The following NAMPT variants were observed in gnomAD, a reference collection of about 807,000 sequenced individuals.
NAMPT encodes the protein NAmPRTase.
Under a neutral mutation model 58.7 loss-of-function variants are expected in NAMPT, and 7 were observed. The observed-to-expected ratio is 0.12, with a 90% CI of 0.07 to 0.22. The LOEUF (loss-of-function observed/expected upper bound fraction) is 0.22. NAMPT is among the 10% of genes least tolerant of loss of function. NAMPT has a pLI of 1.00. For missense variants in NAMPT, 271 were observed against 567.9 expected (o/e 0.48, Z 5.31); for synonymous variants, 145 against 198.1 (o/e 0.73, Z 2.25).
intron 3 of NAMPT, 45 bp downstream of exon 3, chr7:106,274,901 T>C: frequency 7.6e-7 from 1 of 1,307,916 alleles, no homozygotes; most frequent in South Asian, 1.3e-5. Context: ...AGTTTTGAAC[T>C]GAAAGAAAAA....
At chr7:106,254,541 T>A in intron 8 of NAMPT, 37 bp from the exon 9 acceptor site, 3 of 1,597,770 alleles carry the variant, frequency 1.9e-6, no homozygotes, top group Non-Finnish European at 2.6e-6. Flanking sequence ...AAACCAAACC[T>A]TAATTTGGAA....
intron 4 of NAMPT, 136 bp downstream of exon 4, chr7:106,272,394 G>A (rs1792553596): frequency 1.5e-6 from 1 of 674,056 alleles, no homozygotes; most frequent in Admixed American, 3.4e-5. Flanking sequence ...TTATAGATGA[G>A]GAAATTGAAG....
intron 10 of NAMPT, among the ~76,000 whole-genome samples, chr7:106,252,044 T>TA (rs989990606): frequency 3.6e-4 from 55 of 152,274 alleles, no homozygotes; most frequent in African/African-American, 1.3e-3. Flanking sequence ...TTCACAAATT[T>TA]AAATTTAAGG....
chr7:106,269,270 T>G lies in NAMPT; in HGVS notation c.490A>C (p.Asn164His). 6.2e-7 allele frequency: 1 copy of G among 1,613,688 alleles called. No individual in the cohort carries two copies. Among genetic ancestry groups the G allele is most frequent in the Non-Finnish European group, 8.5e-7 (1 of 1,179,648 alleles). ...QSWYPITVAT[N>H]SREQKKILAK... is the part of the protein sequence containing the mutation. ...AATATTTTCTTCTGCTCTCTAGAAT[T>G]TGTGGCCACTGTGATTGGATACCAG... The change falls in exon 5 of 11, where the codon AAT becomes CAT. Residue 164 changes from asparagine to histidine, a missense_variant. Asn to His is a moderately conservative substitution (Grantham distance 68). Coordinates refer to ENST00000222553, the MANE Select transcript of NAMPT (RefSeq NM_005746.3).
intron 1 of NAMPT, among the ~76,000 whole-genome samples, chr7:106,278,769 A>C (rs1264548669): frequency 6.6e-6 from 1 of 152,238 alleles, no homozygotes; most frequent in Non-Finnish European, 1.5e-5. Flanking sequence ...TTACAATGTA[A>C]ATAACTCCAA....
At chr7:106,276,735 G>T (rs891731591) in intron 2 of NAMPT, 2 of 302,766 alleles carry the variant, frequency 6.6e-6, no homozygotes, top group South Asian at 6.3e-5. Flanking sequence ...CCATCTACTC[G>T]GGAGGCAGAG....
intron 1 of NAMPT, among the ~76,000 whole-genome samples, chr7:106,280,029 C>A (rs1011817685): frequency 1.3e-5 from 2 of 152,126 alleles, no homozygotes; most frequent in African/African-American, 4.8e-5. Context: ...TTACAGACTA[C>A]CCCAAGGAGC....
intron 1 of NAMPT, among the ~76,000 whole-genome samples, chr7:106,278,401 T>TTAAG (rs1454425541): frequency 9.9e-5 from 15 of 152,070 alleles, no homozygotes; most frequent in African/African-American, 3.6e-4. Flanking sequence ...ATCTGAGAGT[T>TTAAG]TAAGTCAAGC....
chr7:106,282,105 G>A (rs1792776883), intron 1 of NAMPT, among the ~76,000 whole-genome samples: 1 of 151,944 alleles, frequency 6.6e-6, no homozygotes, highest in Non-Finnish European at 1.5e-5. Flanking sequence ...CCACTCATGA[G>A]GCTCAGGTTG....
At chr7:106,269,117 C>T in intron 5 of NAMPT, 37 bp downstream of exon 5, 1 of 1,570,208 alleles carries the variant, frequency 6.4e-7, no homozygotes, top group Non-Finnish European at 8.6e-7. Flanking sequence ...ACCAACAATC[C>T]ACATTATATT....
chr7:106,252,940 A>G (rs1018992821), intron 10 of NAMPT, 77 bp downstream of exon 10: 4 of 1,520,036 alleles, frequency 2.6e-6, no homozygotes, highest in South Asian at 1.2e-5. Context: ...AAACAATAAC[A>G]TAAAAACCTC....
At chr7:106,260,430 G>C (rs1490870307) in intron 8 of NAMPT, among the ~76,000 whole-genome samples, 2 of 152,354 alleles carry the variant, frequency 1.3e-5, no homozygotes, top group East Asian at 3.9e-4. Flanking sequence ...TTAGGCTTTA[G>C]CCTAAGGAAA....
At chr7:106,267,838 C>A in intron 6 of NAMPT, among the ~76,000 whole-genome samples, 1 of 6,434 alleles carries the variant, frequency 1.6e-4, no homozygotes, top group Non-Finnish European at 3.5e-4. Context: ...GAGACTCCGT[C>A]TCAAAAAAAA....
intron 6 of NAMPT, among the ~76,000 whole-genome samples, chr7:106,265,608 C>T (rs76860510): frequency 0.038 from 5,724 of 149,816 alleles, 129 homozygotes; most frequent in Middle Eastern, 0.11. Context: ...TGAGGGTTTC[C>T]AGTATCTGTA....
At position 106,268,370 on chromosome 7, in the gene NAMPT, G is replaced by A. The variant is rs1166159064; in HGVS notation, c.743+94C>T. ...CTCAAGTTCATGAAGATGTACTGTAGGTACCTGGCTCTGCAGTTAGGTAAA... is the reference window on the plus strand; with the variant it reads ...CTCAAGTTCATGAAGATGTACTGTAAGTACCTGGCTCTGCAGTTAGGTAAA... On this transcript the variant is annotated intron_variant, in intron 6 of 10. Transcript: ENST00000222553. The A allele has an allele frequency of 4.5e-6, 5 of 1,108,516 alleles. No homozygotes were observed. The Admixed American group carries it at 8.8e-5, about 20-fold the overall frequency. 68.7% of individuals were successfully genotyped at this position (1,108,516 alleles called of 1,614,324 possible). A position where few individuals can be genotyped will look rare whatever the true frequency, so the allele number is the denominator to read the frequency against.
intron 8 of NAMPT, among the ~76,000 whole-genome samples, chr7:106,256,024 T>G (rs1194194860): frequency 6.6e-6 from 1 of 152,180 alleles, no homozygotes; most frequent in African/African-American, 2.4e-5. Context: ...GTTTTAAAAT[T>G]TAGACAATTT....
chr7:106,275,802 AG>A (rs1792625914), intron 2 of NAMPT: 1 of 152,258 alleles, frequency 6.6e-6, no homozygotes, highest in South Asian at 2.1e-4. Context: ...TGGGAGGCCA[AG>A]GCGGGCGGGT....
chr7:106,272,483 G>A, intron 4 of NAMPT, 47 bp downstream of exon 4: 2 of 1,511,642 alleles, frequency 1.3e-6, no homozygotes, highest in Middle Eastern at 3.5e-4. Context: ...TCAGTTCAAT[G>A]GTCTTTATTC....
chr7:106,267,840 C>CAAAAAAAAAAAAAAAAAA lies in NAMPT; in HGVS notation c.743+606_743+623dup. ...TGGGCGACAGAGCGAGACTCCGTCTCAAAAAAAAAAAAAAAAAAAAAAAAA... is the reference window on the plus strand; with the variant it reads ...TGGGCGACAGAGCGAGACTCCGTCTCAAAAAAAAAAAAAAAAAAAAAAAAAAAAAAAAAAAAAAAAAAA... On this transcript the variant is annotated intron_variant, in intron 6 of 10. Coordinates refer to ENST00000222553, the MANE Select transcript of NAMPT (RefSeq NM_005746.3). Among the ~76,000 whole-genome samples the CAAAAAAAAAAAAAAAAAA allele has an allele frequency of 1.5e-3, 51 of 33,172 alleles. 9 individuals carry two copies. Among genetic ancestry groups the CAAAAAAAAAAAAAAAAAA allele is most frequent in the East Asian group, 8.2e-3 (7 of 858 alleles). 21.8% of individuals were successfully genotyped at this position (33,172 alleles called of 152,430 possible).
Sources: gnomAD v4.1 joint callset for allele counts (sites outside exome capture counted in the v4.1 genomes callset) on GRCh38, gnomAD v4.1.1 for gene constraint, MANE v1.5 for transcripts, NCBI Gene and HGNC (gene_info 2026-07-23, HGNC 2026-07-21) for gene names.